HSD17B11: variants seen among roughly 807,000 people sequenced by gnomAD.
HSD17B11 encodes hydroxysteroid 17-beta dehydrogenase 11, also known as estradiol 17-beta-dehydrogenase 11.
In HSD17B11, 22 loss-of-function variants were observed where a neutral mutation model predicts 27.8. That is an observed-to-expected ratio of 0.79 (90% CI 0.56 to 1.13). HSD17B11 has a LOEUF of 1.13. HSD17B11 is among the 50% of genes most tolerant of loss of function. The probability of loss-of-function intolerance (pLI) is 0.00; values close to 1 mark genes in which losing one functional copy is unlikely to be tolerated. For missense variants in HSD17B11, 314 were observed against 351.1 expected (o/e 0.89, Z 0.84); for synonymous variants, 117 against 132.8 (o/e 0.88, Z 0.82).
At chr4:87,337,911 G>A (rs533954506) in intron 6 of HSD17B11, among the ~76,000 whole-genome samples, 17 of 152,258 alleles carry the variant, frequency 1.1e-4, no homozygotes, top group African/African-American at 4.1e-4. Flanking sequence ...GAATCAATGT[G>A]TTACTATATT....
intron 2 of HSD17B11, among the ~76,000 whole-genome samples, chr4:87,378,321 AT>A (rs1022062682): frequency 2.0e-5 from 3 of 151,768 alleles, no homozygotes; most frequent in African/African-American, 7.3e-5. Flanking sequence ...TCTGTTTTGT[AT>A]TTTTTTGTAT....
intron 5 of HSD17B11, among the ~76,000 whole-genome samples, chr4:87,340,956 G>A (rs1220618691): frequency 1.3e-5 from 2 of 152,032 alleles, no homozygotes; most frequent in African/African-American, 4.8e-5. Context: ...GATTAGGTCT[G>A]ACAACTTTAC....
intron 2 of HSD17B11, among the ~76,000 whole-genome samples, chr4:87,375,928 AGTT>A (rs778481484): frequency 3.9e-5 from 6 of 152,166 alleles, no homozygotes; most frequent in Non-Finnish European, 7.3e-5. Context: ...TTGGACCTTG[AGTT>A]TGGGCTCTGC....
At chr4:87,362,462 G>T (rs1179964156) in intron 4 of HSD17B11, among the ~76,000 whole-genome samples, 2 of 152,188 alleles carry the variant, frequency 1.3e-5, no homozygotes, top group Admixed American at 1.3e-4. Context: ...GGAGGCCGAG[G>T]TTGCAGTGAG....
chr4:87,381,990 C>G (rs188728028), intron 2 of HSD17B11, among the ~76,000 whole-genome samples: 1 of 152,136 alleles, frequency 6.6e-6, no homozygotes, highest in African/African-American at 2.4e-5. Context: ...TGCCTTCAAC[C>G]TACTGAAAGA....
chr4:87,382,466 T>A (rs1720201460), intron 1 of HSD17B11, 104 bp from the exon 2 acceptor site: 1 of 719,646 alleles, frequency 1.4e-6, no homozygotes, highest in Non-Finnish European at 2.3e-6. Context: ...TGAGATTCTT[T>A]CCATTTGAAT....
chr4:87,337,399 A>G lies in HSD17B11; in HGVS notation c.813-33T>C, dbSNP rs987952024. The G allele has an allele frequency of 1.1e-5, 13 of 1,225,918 alleles. No homozygotes were observed. The Middle Eastern group carries it at 1.9e-3, about 181-fold the overall frequency. 75.9% of individuals were successfully genotyped at this position (1,225,918 alleles called of 1,614,324 possible). On this transcript the variant is annotated intron_variant, in intron 6 of 6. Transcript: ENST00000358290. ...AAAGATATATGCAAATAATTAGAAAATTAATATTAAGTGCATTTGTAGAAT... is the reference window on the plus strand; with the variant it reads ...AAAGATATATGCAAATAATTAGAAAGTTAATATTAAGTGCATTTGTAGAAT...
rs189757417 is a variant in HSD17B11 at position 87,386,391 on chromosome 4, C to T, written c.211-4029G>A. Among the ~76,000 whole-genome samples, 446 of 151,978 alleles carry T rather than the reference C, an allele frequency of 2.9e-3. 1 individual carries two copies. Among genetic ancestry groups the T allele is most frequent in the African/African-American group, 0.01 (420 of 41,452 alleles). On this transcript the variant is annotated intron_variant, in intron 1 of 6. Transcript: ENST00000358290. The stretch of plus-strand genomic sequence containing the variant: ...CTAATTTTTATATTTTTAGGAGAAA[C>T]GGGGTTTCACCATGTTGCCCAGGCT...
intron 1 of HSD17B11, among the ~76,000 whole-genome samples, chr4:87,389,958 A>G (rs1720413730): frequency 6.6e-6 from 1 of 152,088 alleles, no homozygotes; most frequent in African/African-American, 2.4e-5. Flanking sequence ...CGTGGTAAAA[A>G]ATGTTTTTTA....
At chr4:87,367,109 CTT>C (rs1274453909) in intron 4 of HSD17B11, among the ~76,000 whole-genome samples, 1 of 152,202 alleles carries the variant, frequency 6.6e-6, no homozygotes, top group African/African-American at 2.4e-5. Context: ...GTATTCTTAA[CTT>C]ATGGCAATAT....
chr4:87,343,634 G>A lies in HSD17B11; in HGVS notation c.696-3028C>T, dbSNP rs1487219254. Among the ~76,000 whole-genome samples, 8 of 146,096 alleles carry A rather than the reference G, an allele frequency of 5.5e-5. No individual in the cohort carries two copies. The South Asian group carries it at 1.5e-3, about 27-fold the overall frequency. ...ACGATCTCAGCTCACTGCAACCTCCGTCTCCCAGGCTCAAGCAATTCTCCT... is the reference window on the plus strand; with the variant it reads ...ACGATCTCAGCTCACTGCAACCTCCATCTCCCAGGCTCAAGCAATTCTCCT... On this transcript the variant is annotated intron_variant, in intron 5 of 6. Transcript: ENST00000358290.
intron 6 of HSD17B11, 41 bp downstream of exon 6, chr4:87,340,449 A>AT (rs1343311510): frequency 3.9e-6 from 5 of 1,287,540 alleles, no homozygotes; most frequent in Non-Finnish European, 5.5e-6. Flanking sequence ...GATAATTGTT[A>AT]TTTTACCTTT....
At chr4:87,385,974 T>TTTG (rs1472716520) in intron 1 of HSD17B11, 4 of 152,010 alleles carry the variant, frequency 2.6e-5, no homozygotes, top group African/African-American at 9.7e-5. Context: ...AACAAATATA[T>TTTG]TTCCTTACAT....
chr4:87,358,353 A>G (rs1735432576), intron 4 of HSD17B11, among the ~76,000 whole-genome samples: 1 of 152,192 alleles, frequency 6.6e-6, no homozygotes, highest in Non-Finnish European at 1.5e-5. Context: ...GGCCCAGCAC[A>G]GTGCTTGGCT....
chr4:87,371,327 C>T (rs1033508795), intron 4 of HSD17B11, among the ~76,000 whole-genome samples: 4 of 152,084 alleles, frequency 2.6e-5, no homozygotes, highest in Admixed American at 2.6e-4. Flanking sequence ...GGATAAATCT[C>T]ACAAATATAG....
In HSD17B11 at chr4:87,357,387, T is replaced by C. The variant is rs751814232; in HGVS notation, c.587A>G (p.His196Arg). 6.2e-7 allele frequency: 1 copy of C among 1,613,534 alleles called. No individual in the cohort carries two copies. Among genetic ancestry groups the C allele is most frequent in the Non-Finnish European group, 8.5e-7 (1 of 1,179,848 alleles). Residue 196 changes from histidine (H) to arginine (R), a missense_variant, in exon 5 of 7, where the codon CAT becomes CGT. Physicochemically the swap from His to Arg is conservative, Grantham distance 29. Transcript: ENST00000358290. ...CSSKFAAVGF[H>R]KTLTDELAAL... is the part of the protein sequence containing the mutation. ...AGCCAGTTCATCTGTCAAAGTTTTATGAAATCCAACAGCAGCAAACTTGCT... is the reference window on the plus strand; with the variant it reads ...AGCCAGTTCATCTGTCAAAGTTTTACGAAATCCAACAGCAGCAAACTTGCT...
intron 4 of HSD17B11, among the ~76,000 whole-genome samples, chr4:87,368,404 C>A (rs2110122874): frequency 6.6e-6 from 1 of 152,266 alleles, no homozygotes; most frequent in African/African-American, 2.4e-5. Context: ...CTCCTCTCTA[C>A]CCTGAACACA....
At chr4:87,389,924 A>C (rs1209989841) in intron 1 of HSD17B11, among the ~76,000 whole-genome samples, 2 of 151,962 alleles carry the variant, frequency 1.3e-5, no homozygotes, top group African/African-American at 2.4e-5. Context: ...CTTTCCCGCC[A>C]CTCCTTCAGT....
chr4:87,369,911 C>G (rs1002187986), intron 4 of HSD17B11, among the ~76,000 whole-genome samples: 2 of 152,192 alleles, frequency 1.3e-5, no homozygotes, highest in African/African-American at 4.8e-5. Flanking sequence ...GAACAAATTA[C>G]TTAGCAAGCA....
Sources: gnomAD v4.1 joint callset for allele counts (sites outside exome capture counted in the v4.1 genomes callset) on GRCh38, gnomAD v4.1.1 for gene constraint, MANE v1.5 for transcripts, NCBI Gene and HGNC (gene_info 2026-07-23, HGNC 2026-07-21) for gene names.